Variants in NID2 observed in about 807,000 individuals in gnomAD.
NID2 encodes nidogen 2, also known as nidogen-2.
Under a neutral mutation model 145.4 loss-of-function variants are expected in NID2, and 83 were observed. The observed-to-expected ratio is 0.57, with a 90% CI of 0.48 to 0.69. The LOEUF is 0.69. Ranked by LOEUF, NID2 falls within the 30% of genes least tolerant of loss-of-function variation. The pLI is 0.00. For missense variants in NID2, 1,807 were observed against 1,765.7 expected, an observed-to-expected ratio of 1.02 and a Z score of -0.42; for synonymous variants, 739 against 701.3, an observed-to-expected ratio of 1.05 and a Z score of -0.85.
intron 3 of NID2, among the ~76,000 whole-genome samples, chr14:52,057,585 C>T (rs1892893684): frequency 6.6e-6 from 1 of 151,162 alleles, no homozygotes; most frequent in Non-Finnish European, 1.5e-5. Context: ...CGCCTGTAAT[C>T]CCAGCTACTG....
rs1394586744 is a variant in NID2, at chr14:52,053,579, C to G, written c.1429G>C (p.Val477Leu). Residue 477 changes from valine (V) to leucine (L), a missense_variant and splice_region_variant, in exon 5 of 22, where the codon GTC (valine) becomes CTC (leucine). Physicochemically the swap from Val to Leu is conservative, Grantham distance 32. Transcript: ENST00000216286. Reference protein sequence around the residue: ...LEDNIGSNTEVFTYNAANKET... With the variant: ...LEDNIGSNTELFTYNAANKET... Reference sequence around the variant, plus strand: ...GCACCCAGTTTTCTAATGCACTCACCCTCGGTGTTGGAACCTATGTTGTCT... The same window carrying G: ...GCACCCAGTTTTCTAATGCACTCACGCTCGGTGTTGGAACCTATGTTGTCT... The G allele has an allele frequency of 6.2e-7, 1 of 1,610,432 alleles. No homozygotes were observed. The highest frequency in any genetic ancestry group is 1.7e-5 in the Admixed American group (1 of 59,928).
At position 52,038,850 on chromosome 14, in the gene NID2, G is replaced by A. The variant is rs760359263; in HGVS notation, c.2154C>T (p.Phe718=). The A allele has an allele frequency of 6.8e-6, 11 of 1,614,102 alleles. No homozygotes were observed. The highest frequency in any genetic ancestry group is 2.2e-5 in the East Asian group (1 of 44,872). The change falls in exon 9 of 22, where the codon TTC becomes TTT. Residue 718 remains phenylalanine, a synonymous_variant. Transcript: ENST00000216286. Reference sequence around the variant, plus strand: ...CCACGTTCAGCTGCTGGGTGGTGGGGAAGGACGGGTGTCTGGGGGCGTGCC... The same window carrying A: ...CCACGTTCAGCTGCTGGGTGGTGGGAAAGGACGGGTGTCTGGGGGCGTGCC... ...VCRHAPRHPS[F]PTTQQLNVDR... is the part of the protein sequence containing the mutation.
chr14:52,032,412 C>T lies in NID2; in HGVS notation c.2258-2722G>A, dbSNP rs573801590. ...AAGCATGCAGACATCCTTGGAGGTC[C>T]GTTCCTCTGGATCTCTTGGCTGACA... On this transcript the variant is annotated intron_variant, in intron 9 of 21. Transcript: ENST00000216286. 1.5e-3 allele frequency among the ~76,000 whole-genome samples: 229 copies of T among 152,270 alleles called. 1 individual carries two copies. The highest frequency in any genetic ancestry group is 4.3e-3 in the Admixed American group (66 of 15,294).
At chr14:52,031,360 G>T (rs1488545315) in intron 9 of NID2, among the ~76,000 whole-genome samples, 1 of 152,138 alleles carries the variant, frequency 6.6e-6, no homozygotes, top group East Asian at 1.9e-4. Flanking sequence ...AGTCTCTACT[G>T]ACTGCACTCC....
intron 5 of NID2, among the ~76,000 whole-genome samples, chr14:52,050,320 T>C (rs988087626): frequency 6.6e-6 from 1 of 152,130 alleles, no homozygotes; most frequent in Non-Finnish European, 1.5e-5. Flanking sequence ...TCCCTCCTCA[T>C]TCCCATCTCT....
chr14:52,047,293 C>T (rs1892534452), intron 5 of NID2, among the ~76,000 whole-genome samples: 1 of 152,014 alleles, frequency 6.6e-6, no homozygotes, highest in African/African-American at 2.4e-5. Context: ...TTTTTAATAG[C>T]ATGGTCAGGG....
intron 9 of NID2, among the ~76,000 whole-genome samples, chr14:52,035,856 G>GTGTATATATATA (rs763855059): frequency 1.5e-5 from 1 of 65,284 alleles, no homozygotes; most frequent in African/African-American, 4.7e-5. Context: ...ATTTTTTTGT[G>GTGTATATATATA]TATATATATA....
At chr14:52,042,411 A>T in intron 6 of NID2, 61 bp from the exon 7 acceptor site, 1 of 1,525,058 alleles carries the variant, frequency 6.6e-7, no homozygotes, top group South Asian at 1.3e-5. Context: ...GGGTGTACCC[A>T]GGTATAATTA....
rs371256240 is a variant in NID2, at chr14:52,053,661, G to A, written c.1347C>T (p.Tyr449=). The A allele has an allele frequency of 4.9e-5, 79 of 1,614,102 alleles. No individual in the cohort carries two copies. Among genetic ancestry groups the A allele is most frequent in the Non-Finnish European group, 6.6e-5 (78 of 1,180,050 alleles). The change falls in exon 5 of 22, where the codon TAC becomes TAT. Residue 449 remains tyrosine (Y), a synonymous_variant. Coordinates refer to ENST00000216286, the MANE Select transcript of NID2 (RefSeq NM_007361.4). ...HPEEEIVLRS[Y]PASGHTTPLS... ...AGGGTGTAGTGTGACCTGAAGCAGG[G>A]TAACTTCGAAGAACAATTTCTTCTT...
intron 13 of NID2, 127 bp from the exon 14 acceptor site, chr14:52,019,421 T>G: frequency 1.5e-6 from 1 of 667,064 alleles, no homozygotes; most frequent in Non-Finnish European, 2.5e-6. Context: ...TCTTATTTTA[T>G]AATACCTTGC....
intron 5 of NID2, among the ~76,000 whole-genome samples, chr14:52,046,020 T>C (rs1269735080): frequency 1.3e-5 from 2 of 152,164 alleles, no homozygotes; most frequent in African/African-American, 2.4e-5. Flanking sequence ...CAATCTGCTA[T>C]AGGTCTAAAG....
chr14:52,048,706 A>G (rs1471040648), intron 5 of NID2, among the ~76,000 whole-genome samples: 3 of 152,216 alleles, frequency 2.0e-5, no homozygotes, highest in African/African-American at 7.2e-5. Flanking sequence ...ACTGAAGTGC[A>G]GAGGAATATG....
chr14:52,063,251 A>G (rs954862650), intron 2 of NID2, among the ~76,000 whole-genome samples: 6 of 152,222 alleles, frequency 3.9e-5, no homozygotes, highest in Non-Finnish European at 7.4e-5. Context: ...AAGCCCTCAG[A>G]TGGGCTGCCA....
At position 52,038,789 on chromosome 14, in the gene NID2, C is replaced by T. The variant is rs774906315; in HGVS notation, c.2215G>A (p.Val739Met). The change falls in exon 9 of 22, where the codon GTG becomes ATG. Residue 739 changes from valine (V) to methionine (M), a missense_variant. Val to Met is a conservative substitution (Grantham distance 21). Coordinates refer to ENST00000216286, the MANE Select transcript of NID2 (RefSeq NM_007361.4). Reference protein sequence around the residue: ...VFALYNDEERVLRFAVTNQIG... With the variant: ...VFALYNDEERMLRFAVTNQIG... ...TGATTGGTCACAGCAAATCTAAGCA[C>T]TCTTTCTTCGTCATTATACAAGGCA... 2.4e-5 allele frequency: 38 copies of T among 1,607,942 alleles called. No individual in the cohort carries two copies. The highest frequency in any genetic ancestry group is 3.1e-5 in the Non-Finnish European group (36 of 1,177,456).
At chr14:52,040,987 G>A in intron 7 of NID2, 136 bp from the exon 8 acceptor site, 1 of 726,402 alleles carries the variant, frequency 1.4e-6, no homozygotes, top group Admixed American at 2.3e-5. Flanking sequence ...CTGAGAGTAA[G>A]CACTATCAGC....
intron 7 of NID2, 151 bp from the exon 8 acceptor site, chr14:52,041,002 G>T (rs913592026): frequency 2.5e-5 from 17 of 682,634 alleles, no homozygotes; most frequent in Non-Finnish European, 4.3e-5. Context: ...ATCAGCTGTT[G>T]ATTCCATAAG....
chr14:52,060,376 AAAAGAG>A lies in NID2; in HGVS notation c.535-26_535-21del, dbSNP rs1448020952. On this transcript the variant is annotated intron_variant, in intron 2 of 21. Transcript: ENST00000216286. The stretch of plus-strand genomic sequence containing the variant: ...GTTCAGCTGTGAGGAAAAAAAAAAA[AAAAGAG>A]AGAGAGAGAGAGAGAAACATCCTGT... The A allele has an allele frequency of 1.8e-5, 22 of 1,214,452 alleles. No homozygotes were observed. In the South Asian group the frequency reaches 3.6e-4, roughly 20 times the overall value. The allele number at this position is 1,214,452 out of a possible 1,614,324, so 75.2% of individuals were successfully genotyped here.
intron 18 of NID2, 75 bp from the exon 19 acceptor site, chr14:52,008,042 T>C: frequency 8.2e-7 from 1 of 1,216,404 alleles, no homozygotes; most frequent in Non-Finnish European, 1.2e-6. Context: ...CAGCCCCCAG[T>C]GATCTCCATC....
chr14:52,030,619 AAAG>A (rs1891817627), intron 9 of NID2, among the ~76,000 whole-genome samples: 1 of 99,650 alleles, frequency 1.0e-5, no homozygotes, highest in Admixed American at 1.4e-4. Context: ...AAAGAAAAAG[AAAG>A]AAAGAGAAAG....
Sources: gnomAD v4.1 joint callset for allele counts (sites outside exome capture counted in the v4.1 genomes callset) on GRCh38, gnomAD v4.1.1 for gene constraint, MANE v1.5 for transcripts, NCBI Gene and HGNC (gene_info 2026-07-23, HGNC 2026-07-21) for gene names.